PLCB4: variants seen among roughly 807,000 people sequenced by gnomAD.
The protein encoded by PLCB4 is 1-phosphatidylinositol 4,5-bisphosphate phosphodiesterase beta-4.
A neutral mutation model predicts 178.8 loss-of-function variants in PLCB4; 77 were observed. The observed-to-expected ratio is 0.43, with a 90% CI of 0.36 to 0.52. The LOEUF (loss-of-function observed/expected upper bound fraction) is 0.52. PLCB4 is among the 20% of genes least tolerant of loss of function. PLCB4 has a pLI of 0.00. For synonymous variants in PLCB4, 496 were observed against 490.8 expected, an observed-to-expected ratio of 1.01 and a Z score of -0.14; for missense variants, 1,024 against 1,453.4, an observed-to-expected ratio of 0.70 and a Z score of 4.80.
intron 38 of PLCB4, among the ~76,000 whole-genome samples, chr20:9,474,338 G>A (rs2044399290): frequency 6.6e-6 from 1 of 152,204 alleles, no homozygotes; most frequent in East Asian, 1.9e-4. Context: ...TTTCCAAATG[G>A]GCTACAGCCC....
At chr20:9,464,127 A>C (rs550544436) in intron 35 of PLCB4, among the ~76,000 whole-genome samples, 2 of 152,196 alleles carry the variant, frequency 1.3e-5, no homozygotes, top group Non-Finnish European at 2.9e-5. Flanking sequence ...TAAGAAACTC[A>C]CTCAAAACTG....
chr20:9,176,673 T>C (rs897633478), intron 2 of PLCB4, among the ~76,000 whole-genome samples: 18 of 152,176 alleles, frequency 1.2e-4, no homozygotes, highest in Admixed American at 6.5e-5. Flanking sequence ...AGATCTTACT[T>C]TATGCATAAA....
At chr20:9,400,916 C>T (rs2038975814) in intron 19 of PLCB4, among the ~76,000 whole-genome samples, 1 of 152,156 alleles carries the variant, frequency 6.6e-6, no homozygotes, top group Non-Finnish European at 1.5e-5. Context: ...CTGAGCCTGA[C>T]AAATGAGCCC....
Position 9,338,904 on chromosome 20 carries a change from T to C in PLCB4, c.236T>C (p.Ile79Thr). Reference sequence around the variant, plus strand: ...TGTACCTCTATACAGGATCCCAAAATCTTGGCTGCTCTTGAAGCTGTTGGA... The same window carrying C: ...TGTACCTCTATACAGGATCCCAAAACCTTGGCTGCTCTTGAAGCTGTTGGA... ...RSGAIPKDPK[I>T]LAALEAVGKS... Residue 79 changes from isoleucine to threonine, a missense_variant, in exon 7 of 40, where the codon ATC becomes ACC. Ile to Thr is a moderately conservative substitution (Grantham distance 89). This residue lies in a region of PLCB4 where 225 missense variants were observed against 291.0 expected (regional missense o/e 0.77). Transcript: ENST00000378473. 6.2e-7 allele frequency: 1 copy of C among 1,613,326 alleles called. No homozygotes were observed. Among genetic ancestry groups the C allele is most frequent in the Non-Finnish European group, 8.5e-7 (1 of 1,179,524 alleles).
At chr20:9,103,663 G>A (rs2091262222) in intron 2 of PLCB4, among the ~76,000 whole-genome samples, 1 of 152,088 alleles carries the variant, frequency 6.6e-6, no homozygotes, top group African/African-American at 2.4e-5. Flanking sequence ...ATTTGAGAGT[G>A]ATTGGTCTAC....
At chr20:9,121,247 C>T (rs1265648979) in intron 2 of PLCB4, among the ~76,000 whole-genome samples, 1 of 152,070 alleles carries the variant, frequency 6.6e-6, no homozygotes, top group Non-Finnish European at 1.5e-5. Flanking sequence ...ATTTCTTAGT[C>T]CCTGATATGG....
intron 4 of PLCB4, among the ~76,000 whole-genome samples, chr20:9,324,427 T>G (rs2030056948): frequency 6.6e-6 from 1 of 151,944 alleles, no homozygotes; most frequent in Non-Finnish European, 1.5e-5. Context: ...TCCGTCTGTC[T>G]CAAAAACAAC....
intron 2 of PLCB4, among the ~76,000 whole-genome samples, chr20:9,133,925 C>T (rs1051626729): frequency 3.9e-5 from 6 of 152,170 alleles, no homozygotes; most frequent in Non-Finnish European, 7.3e-5. Flanking sequence ...TGAGAGACAA[C>T]GTAAGACATG....
At chr20:9,337,953 A>G (rs1019719643) in intron 5 of PLCB4, 55 bp from the exon 6 acceptor site, 4 of 1,408,930 alleles carry the variant, frequency 2.8e-6, no homozygotes, top group African/African-American at 2.8e-5. Flanking sequence ...GTTTGCCTGT[A>G]TCATAGGTAT....
chr20:9,112,125 A>G (rs866048620), intron 2 of PLCB4, among the ~76,000 whole-genome samples: 4 of 152,310 alleles, frequency 2.6e-5, no homozygotes, highest in Admixed American at 1.3e-4. Context: ...AGCATTTCAT[A>G]ACAACTGTGA....
At chr20:9,421,557 G>A (rs552403484) in intron 27 of PLCB4, 96 bp downstream of exon 27, 23 of 903,980 alleles carry the variant, frequency 2.5e-5, no homozygotes, top group African/African-American at 9.9e-5. Context: ...TTATTCAACC[G>A]ACAACATCTT....
At chr20:9,241,212 T>C (rs1392625546) in intron 3 of PLCB4, among the ~76,000 whole-genome samples, 2 of 152,180 alleles carry the variant, frequency 1.3e-5, no homozygotes, top group Non-Finnish European at 2.9e-5. Flanking sequence ...CCAGTAATGA[T>C]TTTATGGCTG....
At chr20:9,367,192 G>A (rs1049583804) in intron 9 of PLCB4, among the ~76,000 whole-genome samples, 4 of 152,064 alleles carry the variant, frequency 2.6e-5, no homozygotes, top group Non-Finnish European at 4.4e-5. Context: ...AAACAATCAC[G>A]ACCTAAAGTA....
chr20:9,197,986 A>G (rs2093493732), intron 2 of PLCB4, among the ~76,000 whole-genome samples: 1 of 152,092 alleles, frequency 6.6e-6, no homozygotes, highest in African/African-American at 2.4e-5. Context: ...AAAAATAAAA[A>G]AATAAAAAAT....
intron 35 of PLCB4, among the ~76,000 whole-genome samples, chr20:9,467,214 G>A (rs1161536253): frequency 1.3e-5 from 2 of 152,188 alleles, no homozygotes; most frequent in Admixed American, 1.3e-4. Context: ...TTACTCATAG[G>A]TGGGAATTGA....
chr20:9,087,111 T>TA (rs1338502224), intron 1 of PLCB4, among the ~76,000 whole-genome samples: 1 of 152,342 alleles, frequency 6.6e-6, no homozygotes, highest in East Asian at 1.9e-4. Context: ...TTCTTGCTTT[T>TA]AAAAAAATCT....
chr20:9,478,037 A>G (rs1168692154), intron 39 of PLCB4, among the ~76,000 whole-genome samples: 1 of 152,186 alleles, frequency 6.6e-6, no homozygotes, highest in Non-Finnish European at 1.5e-5. Flanking sequence ...CACTAAAAAA[A>G]AGAAATGGGC....
intron 19 of PLCB4, among the ~76,000 whole-genome samples, chr20:9,398,337 C>T (rs1229692375): frequency 6.6e-6 from 1 of 152,028 alleles, no homozygotes; most frequent in Non-Finnish European, 1.5e-5. Flanking sequence ...TATAGTCAGC[C>T]GTGATGCCTA....
At chr20:9,321,780 C>T (rs186639006) in intron 4 of PLCB4, among the ~76,000 whole-genome samples, 68 of 151,738 alleles carry the variant, frequency 4.5e-4, no homozygotes, top group East Asian at 1.4e-3. Context: ...ACTACAGGTG[C>T]GCACCACCAT....
Sources: allele counts gnomAD v4.1 joint callset (sites outside exome capture counted in the v4.1 genomes callset), GRCh38; gene constraint gnomAD v4.1.1; regional missense constraint gnomAD v4.1.1; transcripts MANE v1.5; gene names NCBI Gene and HGNC (gene_info 2026-07-23, HGNC 2026-07-21).